Variants in HERC1 observed in about 807,000 individuals in gnomAD.
HERC1 encodes HECT and RLD domain containing E3 ubiquitin protein ligase family member 1, also known as probable E3 ubiquitin-protein ligase HERC1.
In HERC1, 160 loss-of-function variants were observed where a neutral mutation model predicts 554.3. That is an observed-to-expected ratio of 0.29 (90% CI 0.25 to 0.33). The LOEUF (loss-of-function observed/expected upper bound fraction) is 0.33, where lower values mean the gene tolerates loss of function less well. HERC1 is among the 10% of genes least tolerant of loss of function. The pLI is 1.00. For missense variants in HERC1, 4,919 were observed against 5,918.5 expected (o/e 0.83, Z 5.54); for synonymous variants, 2,175 against 2,131.7 (o/e 1.02, Z -0.56).
intron 1 of HERC1, among the ~76,000 whole-genome samples, chr15:63,801,969 A>AAGAGAGT (rs2077003526): frequency 2.6e-5 from 4 of 152,208 alleles, no homozygotes; most frequent in African/African-American, 4.8e-5. Flanking sequence ...TCTCTAACAC[A>AAGAGAGT]TCATGTTTAA....
intron 1 of HERC1, among the ~76,000 whole-genome samples, chr15:63,830,038 A>C (rs2078103365): frequency 6.6e-6 from 1 of 152,192 alleles, no homozygotes; most frequent in African/African-American, 2.4e-5. Flanking sequence ...GAAATACAAA[A>C]TCATGATTAG....
chr15:63,620,298 G>A (rs1341407271), intron 74 of HERC1, among the ~76,000 whole-genome samples: 2 of 152,192 alleles, frequency 1.3e-5, no homozygotes, highest in African/African-American at 4.8e-5. Flanking sequence ...ATGTAGTTGA[G>A]CGGTTTTGAG....
chr15:63,783,958 C>T (rs1446434168), intron 1 of HERC1, among the ~76,000 whole-genome samples: 3 of 151,458 alleles, frequency 2.0e-5, no homozygotes, highest in East Asian at 1.9e-4. Context: ...CCCAGCTACT[C>T]GGGAGGCTGA....
chr15:63,803,814 TCTAA>T (rs960246515), intron 1 of HERC1, among the ~76,000 whole-genome samples: 2 of 152,178 alleles, frequency 1.3e-5, no homozygotes, highest in African/African-American at 4.8e-5. Flanking sequence ...GCAAAACAAT[TCTAA>T]CTGATAGAGA....
chr15:63,678,170 T>C lies in HERC1; in HGVS notation c.6745A>G (p.Lys2249Glu). 6.2e-7 allele frequency: 1 copy of C among 1,613,986 alleles called. No individual in the cohort carries two copies. Among genetic ancestry groups the C allele is most frequent in the Non-Finnish European group, 8.5e-7 (1 of 1,179,874 alleles). Residue 2249 changes from lysine to glutamate, a missense_variant, in exon 37 of 78, where the codon AAA becomes GAA. Coordinates refer to ENST00000443617, the MANE Select transcript of HERC1 (RefSeq NM_003922.4). ...TTCTTTAGCTTCTGACCTGACTCTTTAATACATATCTTAATTTTGTGAAGC... is the reference window on the plus strand; with the variant it reads ...TTCTTTAGCTTCTGACCTGACTCTTCAATACATATCTTAATTTTGTGAAGC... ...ERLHKIKICIKESGQKLKKSR... is the reference protein window; with the variant it reads ...ERLHKIKICIEESGQKLKKSR...
At chr15:63,618,183 T>G (rs576763433) in intron 74 of HERC1, among the ~76,000 whole-genome samples, 1,806 of 151,186 alleles carry the variant, frequency 0.012, 38 homozygotes, top group African/African-American at 0.042. Context: ...CATTTTTGTA[T>G]AAGGTGTAAG....
intron 50 of HERC1, among the ~76,000 whole-genome samples, chr15:63,654,972 G>T (rs2069940519): frequency 6.6e-6 from 1 of 152,172 alleles, no homozygotes; most frequent in Non-Finnish European, 1.5e-5. Context: ...GATGGAGATG[G>T]CATGCCTTTA....
At chr15:63,812,654 C>G (rs976010766) in intron 1 of HERC1, among the ~76,000 whole-genome samples, 1 of 152,166 alleles carries the variant, frequency 6.6e-6, no homozygotes, top group Non-Finnish European at 1.5e-5. Flanking sequence ...CACTAGTAAG[C>G]TTCACTTCTA....
At chr15:63,714,545 GTT>G (rs773905620) in intron 22 of HERC1, among the ~76,000 whole-genome samples, 1,441 of 95,774 alleles carry the variant, frequency 0.015, 17 homozygotes, top group African/African-American at 0.053. Flanking sequence ...TCCTTTTTCT[GTT>G]TTTTTTTTTT....
intron 2 of HERC1, among the ~76,000 whole-genome samples, chr15:63,774,391 A>T (rs1372444908): frequency 6.6e-6 from 1 of 152,182 alleles, no homozygotes; most frequent in Non-Finnish European, 1.5e-5. Context: ...TCACTAGCCA[A>T]AATCTCTAAT....
intron 1 of HERC1, among the ~76,000 whole-genome samples, chr15:63,786,933 TTA>T (rs1489392234): frequency 1.9e-4 from 28 of 150,528 alleles, no homozygotes; most frequent in African/African-American, 6.1e-4. Context: ...TTTTTTTTTT[TTA>T]TTTTTTGAGA....
At chr15:63,761,090 A>G (rs1255518573) in intron 3 of HERC1, among the ~76,000 whole-genome samples, 1 of 152,208 alleles carries the variant, frequency 6.6e-6, no homozygotes, top group Non-Finnish European at 1.5e-5. Flanking sequence ...TATTATCAAC[A>G]CTGACATTCA....
At chr15:63,676,482 C>A in intron 37 of HERC1, among the ~76,000 whole-genome samples, 1 of 152,162 alleles carries the variant, frequency 6.6e-6, no homozygotes, top group Non-Finnish European at 1.5e-5. Flanking sequence ...TCCGGCCGAG[C>A]GTGGTGGCTC....
chr15:63,724,330 T>C (rs536721192), intron 18 of HERC1, among the ~76,000 whole-genome samples: 6 of 152,188 alleles, frequency 3.9e-5, no homozygotes, highest in Non-Finnish European at 2.9e-5. Context: ...TTTAACAAAA[T>C]GTTTCATAAA....
In HERC1 at chr15:63,654,305, A is replaced by G; in HGVS notation, c.10104T>C (p.Asn3368=). ...VEKKGPLELA[N]ALAACCLSSR... ...AGGAGAGGCAGCAGGCTGCCAGGGC[A>G]TTAGCCAACTCCAGAGGGCCTACAG... The change falls in exon 51 of 78, where the codon AAT becomes AAC. Residue 3368 remains asparagine, a synonymous_variant. Transcript: ENST00000443617. The G allele has an allele frequency of 6.2e-7, 1 of 1,613,586 alleles. No individual in the cohort carries two copies.
In HERC1 at chr15:63,696,336, G is replaced by A. The variant is rs776654846; in HGVS notation, c.4909C>T (p.Arg1637Cys). The A allele has an allele frequency of 3.1e-6, 5 of 1,603,312 alleles. No individual in the cohort carries two copies. The Admixed American group carries it at 6.8e-5, about 22-fold the overall frequency. The change falls in exon 27 of 78, where the codon CGT becomes TGT. Residue 1637 changes from arginine to cysteine, a missense_variant. By Grantham distance (180) the Arg-to-Cys change is radical. This residue lies in a region of HERC1 where 1,121 missense variants were observed against 1,244.0 expected (regional missense o/e 0.90). Transcript: ENST00000443617. Reference protein sequence around the residue: ...MEQQQLRAELRLEALHQILVL... With the variant: ...MEQQQLRAELCLEALHQILVL... ...AGGATCTGATGAAGTGCCTCTAAAC[G>A]AAGCTTGAGGAAAAAAACATATTTT...
intron 25 of HERC1, among the ~76,000 whole-genome samples, chr15:63,703,978 T>G (rs2072868945): frequency 6.6e-6 from 1 of 151,860 alleles, no homozygotes; most frequent in South Asian, 2.1e-4. Context: ...TGTTTGTCCT[T>G]CATGGCTCAA....
intron 1 of HERC1, chr15:63,780,124 G>C (rs1240079343): frequency 6.6e-6 from 1 of 151,054 alleles, no homozygotes; most frequent in Non-Finnish European, 1.5e-5. Context: ...TCAGAAAATA[G>C]ACATTTTTAT....
At chr15:63,721,516 ACT>A (rs1191309999) in intron 19 of HERC1, among the ~76,000 whole-genome samples, 2 of 152,026 alleles carry the variant, frequency 1.3e-5, no homozygotes, top group Admixed American at 6.6e-5. Flanking sequence ...ATAAGAGGAG[ACT>A]CTGTCTCAAA....
Sources: gnomAD v4.1 joint callset for allele counts (sites outside exome capture counted in the v4.1 genomes callset) on GRCh38, gnomAD v4.1.1 for gene constraint, gnomAD v4.1.1 regional missense constraint, MANE v1.5 for transcripts, NCBI Gene and HGNC (gene_info 2026-07-23, HGNC 2026-07-21) for gene names.